Variants in SYNPO observed in about 807,000 individuals in gnomAD.
SYNPO encodes the protein synaptopodin.
In SYNPO, 19 loss-of-function variants were observed where a neutral mutation model predicts 49.5. The ratio of observed to expected loss-of-function variants is 0.38; its 90% CI spans 0.27 to 0.56. The LOEUF (loss-of-function observed/expected upper bound fraction) is 0.56, where lower values mean the gene tolerates loss of function less well. SYNPO is among the 20% of genes least tolerant of loss of function. SYNPO has a pLI of 0.68. For missense variants in SYNPO, 1,131 were observed against 1,248.3 expected (o/e 0.91, Z 1.42); for synonymous variants, 536 against 548.0 (o/e 0.98, Z 0.31).
At chr5:150,621,311 T>C (rs2151373670) in intron 2 of SYNPO, among the ~76,000 whole-genome samples, 1 of 152,282 alleles carries the variant, frequency 6.6e-6, no homozygotes, top group Non-Finnish European at 1.5e-5. Context: ...AGAATATTTC[T>C]AGGGACAGAG....
At chr5:150,634,867 A>ACAC (rs1757662476) in intron 2 of SYNPO, among the ~76,000 whole-genome samples, 1 of 118,188 alleles carries the variant, frequency 8.5e-6, no homozygotes, top group Non-Finnish European at 2.0e-5. Flanking sequence ...CACACACCAC[A>ACAC]CACACACACA....
chr5:150,596,043 A>G, the SYNPO span, among the ~76,000 whole-genome samples: 1 of 152,240 alleles, frequency 6.6e-6, no homozygotes, highest in Admixed American at 6.5e-5. Flanking sequence ...TCTTGTTTAC[A>G]GGCTTGCCCC....
chr5:150,604,179 A>T lies in SYNPO; in HGVS notation c.-266+2991A>T, dbSNP rs143978791. Among the ~76,000 whole-genome samples the T allele has an allele frequency of 4.9e-3, 742 of 152,336 alleles. 8 individuals are homozygous for T. Among genetic ancestry groups the T allele is most frequent in the African/African-American group, 0.017 (698 of 41,574 alleles). On this transcript the variant is annotated intron_variant, in intron 1 of 2. Coordinates refer to the SYNPO transcript ENST00000394243. ...TACCCAAGGCCAAGGGCAAACAGAG[A>T]TCTGCTTCATGCTGTCCTGGCATGG...
At chr5:150,613,596 G>C (rs1401793716) in intron 1 of SYNPO, among the ~76,000 whole-genome samples, 2 of 152,138 alleles carry the variant, frequency 1.3e-5, no homozygotes, top group Admixed American at 1.3e-4. Flanking sequence ...AACACAGTCA[G>C]AGCCACACTC....
chr5:150,629,924 T>G (rs1281279815), intron 2 of SYNPO, among the ~76,000 whole-genome samples: 1 of 152,034 alleles, frequency 6.6e-6, no homozygotes, highest in African/African-American at 2.4e-5. Context: ...CTTAACTTCT[T>G]CGCAACATGG....
chr5:150,657,424 TCTCTCTCTCA>T lies in SYNPO; in HGVS notation c.*339_*348del, dbSNP rs1758613792. The T allele has an allele frequency of 5.8e-6, 1 of 173,478 alleles. No individual in the cohort carries two copies. Among genetic ancestry groups the T allele is most frequent in the South Asian group, 6.5e-5 (1 of 15,276 alleles). 10.7% of individuals were successfully genotyped at this position (173,478 alleles called of 1,614,324 possible). On this transcript the variant is annotated 3_prime_UTR_variant, in exon 3 of 3. Transcript: ENST00000307662. ...CACACACACTCTCTCTTTCTCTCTC[TCTCTCTCTCA>T]CACACACACACACACACACACACAC...
chr5:150,604,697 G>C (rs1462967348), intron 1 of SYNPO, among the ~76,000 whole-genome samples: 2 of 152,158 alleles, frequency 1.3e-5, no homozygotes, highest in Non-Finnish European at 1.5e-5. Flanking sequence ...CCACCTTCCT[G>C]ACCTGTAAAA....
At chr5:150,636,315 T>C (rs933170062), upstream of SYNPO, among the ~76,000 whole-genome samples, 2 of 152,214 alleles carry the variant, frequency 1.3e-5, no homozygotes, top group Admixed American at 6.5e-5. Context: ...ACATTTGAAA[T>C]GTATATAACT....
chr5:150,595,733 T>C, the SYNPO span, among the ~76,000 whole-genome samples: 1 of 152,226 alleles, frequency 6.6e-6, no homozygotes, highest in Admixed American at 6.5e-5. Context: ...CTAGACATGT[T>C]CACACTAAGG....
At chr5:150,605,284 CA>C (rs540725553) in intron 1 of SYNPO, among the ~76,000 whole-genome samples, 1,558 of 152,250 alleles carry the variant, frequency 0.01, 27 homozygotes, top group African/African-American at 0.035. Context: ...TAAACACTAC[CA>C]AAAGCACTTC....
intron 1 of SYNPO, among the ~76,000 whole-genome samples, chr5:150,616,496 C>T (rs2151361899): frequency 6.6e-6 from 1 of 152,320 alleles, no homozygotes; most frequent in Middle Eastern, 3.4e-3. Flanking sequence ...TTACGCACTA[C>T]CTGCCCATCC....
upstream of SYNPO, among the ~76,000 whole-genome samples, chr5:150,639,253 C>T (rs1757814267): frequency 6.6e-6 from 1 of 152,228 alleles, no homozygotes; most frequent in African/African-American, 2.4e-5. Context: ...CCATCCATCT[C>T]TGCCCTCCCT....
Position 150,648,855 on chromosome 5 carries a change from A to G in SYNPO, c.580A>G (p.Ile194Val). 1 of 1,614,138 alleles carries G rather than the reference A, an allele frequency of 6.2e-7. No individual in the cohort carries two copies. Among genetic ancestry groups the G allele is most frequent in the African/African-American group, 1.3e-5 (1 of 75,030 alleles). Residue 194 changes from isoleucine (I) to valine (V), a missense_variant, in exon 2 of 3, where the codon ATT becomes GTT. Physicochemically the swap from Ile to Val is conservative, Grantham distance 29. This residue lies in a region of SYNPO where 602 missense variants were observed against 720.7 expected (regional missense o/e 0.84). Coordinates refer to ENST00000307662, the MANE Select transcript of SYNPO (RefSeq NM_007286.6). This position sits in a 1 kb window ranked among gnomAD's most constrained non-coding sequence, Gnocchi z 5.0. ...AGATTTCATGTCCAGCTCCCTGCTC[A>G]TTGACATCCAGCCCAACACCCTAGT... ...ASDFMSSSLL[I>V]DIQPNTLVVS...
intron 1 of SYNPO, among the ~76,000 whole-genome samples, chr5:150,601,780 G>T (rs1581442289): frequency 6.6e-6 from 1 of 152,140 alleles, no homozygotes; most frequent in African/African-American, 2.4e-5. Flanking sequence ...TCCTCACTGT[G>T]CAGAGACTCC....
At chr5:150,596,827 G>C (rs561934385), upstream of SYNPO, among the ~76,000 whole-genome samples, 15 of 152,318 alleles carry the variant, frequency 9.8e-5, no homozygotes, top group East Asian at 2.9e-3. Context: ...ACCCAAGTCA[G>C]GGCAAGGAGG....
At chr5:150,608,976 TCAGA>T (rs1419696229) in intron 1 of SYNPO, among the ~76,000 whole-genome samples, 14 of 152,292 alleles carry the variant, frequency 9.2e-5, no homozygotes, top group African/African-American at 3.4e-4. Context: ...CGGGGCAAGT[TCAGA>T]CAGTCAGGAA....
intron 1 of SYNPO, among the ~76,000 whole-genome samples, chr5:150,604,940 G>A (rs945910347): frequency 5.9e-5 from 9 of 152,188 alleles, no homozygotes; most frequent in East Asian, 3.9e-4. Context: ...TCCCATCCCC[G>A]CTCCCCATGG....
At chr5:150,588,674 G>A in the SYNPO span, among the ~76,000 whole-genome samples, 1 of 152,110 alleles carries the variant, frequency 6.6e-6, no homozygotes, top group Non-Finnish European at 1.5e-5. Flanking sequence ...AAGGGGGCAG[G>A]GGAGAGAAGA....
At chr5:150,653,311 C>T (rs1758454149) in intron 2 of SYNPO, 2 of 152,258 alleles carry the variant, frequency 1.3e-5, no homozygotes, top group African/African-American at 2.4e-5. Flanking sequence ...CTGCTTACCA[C>T]TGCCCTCAAC....
Sources: allele counts gnomAD v4.1 joint callset (sites outside exome capture counted in the v4.1 genomes callset), GRCh38; gene constraint gnomAD v4.1.1; regional missense constraint gnomAD v4.1.1; non-coding constraint Gnocchi (gnomAD v3.1); transcripts MANE v1.5; gene names NCBI Gene and HGNC (gene_info 2026-07-23, HGNC 2026-07-21).